The following MYCBP2 variants were observed in gnomAD, a reference collection of about 807,000 sequenced individuals.
The protein encoded by MYCBP2 is E3 ubiquitin-protein ligase MYCBP2.
Under a neutral mutation model 525.3 loss-of-function variants are expected in MYCBP2, and 120 were observed. That is an observed-to-expected ratio of 0.23 (90% CI 0.20 to 0.27). The LOEUF is 0.27. MYCBP2 is among the 10% of genes least tolerant of loss of function. The pLI is 1.00. For missense variants in MYCBP2, 4,149 were observed against 5,657.1 expected, an observed-to-expected ratio of 0.73 and a Z score of 8.55; for synonymous variants, 1,894 against 1,955.8, an observed-to-expected ratio of 0.97 and a Z score of 0.83.
At chr13:77,095,331 T>TA (rs1182844251) in intron 58 of MYCBP2, 27 bp downstream of exon 58, 3 of 1,611,374 alleles carry the variant, frequency 1.9e-6, no homozygotes, top group African/African-American at 2.7e-5. Flanking sequence ...CAAAGGTGAT[T>TA]AAAAAACAAC....
At chr13:77,159,569 C>A (rs969642439) in intron 44 of MYCBP2, among the ~76,000 whole-genome samples, 9 of 152,128 alleles carry the variant, frequency 5.9e-5, no homozygotes, top group African/African-American at 1.9e-4. Context: ...AGTGACCTGG[C>A]GGGAGGTGAC....
intron 68 of MYCBP2, among the ~76,000 whole-genome samples, chr13:77,076,542 A>G (rs1160062934): frequency 6.6e-6 from 1 of 152,204 alleles, no homozygotes; most frequent in South Asian, 2.1e-4. Flanking sequence ...CAAGGTATAG[A>G]GCAAATTTGC....
At chr13:77,253,817 C>T (rs903174847) in intron 14 of MYCBP2, among the ~76,000 whole-genome samples, 5 of 151,898 alleles carry the variant, frequency 3.3e-5, no homozygotes, top group African/African-American at 9.7e-5. Context: ...GTGGAAAATC[C>T]AACTCTACTG....
chr13:77,146,317 G>T, intron 47 of MYCBP2, 100 bp from the exon 48 acceptor site: 1 of 667,864 alleles, frequency 1.5e-6, no homozygotes, highest in South Asian at 3.9e-5. Context: ...TGAGACAACT[G>T]GTTATACATA....
intron 32 of MYCBP2, among the ~76,000 whole-genome samples, chr13:77,183,541 CTTTTTT>C (rs60927409): frequency 0.02 from 1,290 of 65,898 alleles, 7 homozygotes; most frequent in African/African-American, 0.087. Context: ...GTCCCTATTT[CTTTTTT>C]TTTTTTTTTT....
rs1269930824 is a variant in MYCBP2 at position 77,158,052 on chromosome 13, T to C, written c.6655A>G (p.Thr2219Ala). ...GKGLALSHSP[T>A]ILEALEGNLP... ...TTTCCCTCAAGTGCTTCTAATATAG[T>C]TGGTGAATGAGAAAGAGCTAGACCC... The change falls in exon 45 of 83, where the codon ACT becomes GCT. Residue 2219 changes from threonine (T) to alanine (A), a missense_variant. Physicochemically the swap from Thr to Ala is moderately conservative, Grantham distance 58 (BLOSUM62 0). This residue lies in a region of MYCBP2 where 692 missense variants were observed against 852.7 expected (regional missense o/e 0.81). Coordinates refer to ENST00000544440, the MANE Select transcript of MYCBP2 (RefSeq NM_015057.5). 1.2e-6 allele frequency: 2 copies of C among 1,613,410 alleles called. No individual in the cohort carries two copies. The highest frequency in any genetic ancestry group is 8.5e-7 in the Non-Finnish European group (1 of 1,179,574).
intron 14 of MYCBP2, among the ~76,000 whole-genome samples, chr13:77,252,778 A>G (rs993925681): frequency 1.2e-4 from 18 of 152,270 alleles, no homozygotes; most frequent in African/African-American, 4.3e-4. Flanking sequence ...TCAGCTAGCT[A>G]TATCTAGGAT....
intron 15 of MYCBP2, among the ~76,000 whole-genome samples, chr13:77,244,634 G>A (rs1158765808): frequency 3.3e-5 from 5 of 152,110 alleles, no homozygotes; most frequent in Non-Finnish European, 7.4e-5. Context: ...AACACCAAAA[G>A]CAATGGCAAC....
At chr13:77,284,282 G>C (rs1325482488) in intron 3 of MYCBP2, among the ~76,000 whole-genome samples, 1 of 151,938 alleles carries the variant, frequency 6.6e-6, no homozygotes, top group African/African-American at 2.4e-5. Flanking sequence ...AGGCAAGAAG[G>C]AATGGGACAG....
intron 28 of MYCBP2, among the ~76,000 whole-genome samples, chr13:77,190,713 G>A (rs1412148353): frequency 6.6e-6 from 1 of 152,138 alleles, no homozygotes; most frequent in Non-Finnish European, 1.5e-5. Context: ...AACTGTCTAT[G>A]AAAATCATAC....
At position 77,326,318 on chromosome 13, in the gene MYCBP2, A is replaced by G. The variant is rs1359693436; in HGVS notation, c.302+156T>C. ...GCAGCCACCGCACCCTCCTATCTCG[A>G]TAAGTGCTCCTGCCAACAGACATCC... On this transcript the variant is annotated intron_variant, in intron 1 of 82. Coordinates refer to ENST00000544440, the MANE Select transcript of MYCBP2 (RefSeq NM_015057.5). This position sits in a 1 kb window ranked among gnomAD's most constrained non-coding sequence, Gnocchi z 4.2. Among the ~76,000 whole-genome samples the G allele has an allele frequency of 6.6e-6, 1 of 150,850 alleles. No individual in the cohort carries two copies. Among genetic ancestry groups the G allele is most frequent in the Non-Finnish European group, 1.5e-5 (1 of 67,844 alleles).
Position 77,161,936 on chromosome 13 carries a change from G to T in MYCBP2, c.6567C>A (p.Asp2189Glu). ...ATGCAGCCTCCTCAAGAATTTCAAG[G>T]TCTTCTTCTAATTCATTACCTGTTG... ...ALPIGNELEE[D>E]LEILEEAALQ... The change falls in exon 44 of 83, where the codon GAC becomes GAA. Residue 2189 changes from aspartate (D) to glutamate (E), a missense_variant. Physicochemically the swap from Asp to Glu is conservative, Grantham distance 45. Coordinates refer to ENST00000544440, the MANE Select transcript of MYCBP2 (RefSeq NM_015057.5). The T allele has an allele frequency of 3.7e-6, 6 of 1,606,796 alleles. 1 individual carries two copies. The South Asian group carries it at 6.7e-5, about 18-fold the overall frequency.
chr13:77,140,143 C>G lies in MYCBP2; in HGVS notation c.7422G>C (p.Lys2474Asn). 1 of 1,603,864 alleles carries G rather than the reference C, an allele frequency of 6.2e-7. No individual in the cohort carries two copies. Among genetic ancestry groups the G allele is most frequent in the Non-Finnish European group, 8.5e-7 (1 of 1,177,130 alleles). The change falls in exon 51 of 83, where the codon AAG becomes AAC. Residue 2474 changes from lysine (K) to asparagine (N), a missense_variant. Lys to Asn is a moderately conservative substitution (Grantham distance 94). Coordinates refer to ENST00000544440, the MANE Select transcript of MYCBP2 (RefSeq NM_015057.5). ...TACGGATGCGAAGCCCCGCACTGTCCTTGGCCACAAATTTTCGAACCTGAG... is the reference window on the plus strand; with the variant it reads ...TACGGATGCGAAGCCCCGCACTGTCGTTGGCCACAAATTTTCGAACCTGAG... ...QPNKVRKFVA[K>N]DSAGLRIRSH...
intron 11 of MYCBP2, 150 bp from the exon 12 acceptor site, chr13:77,261,525 G>T: frequency 1.6e-6 from 1 of 624,364 alleles, no homozygotes. Flanking sequence ...GCTTCTGGGA[G>T]TTGAGCAAGA....
At chr13:77,065,478 T>A (rs1193425615) in intron 72 of MYCBP2, among the ~76,000 whole-genome samples, 1 of 152,180 alleles carries the variant, frequency 6.6e-6, no homozygotes, top group Admixed American at 6.5e-5. Flanking sequence ...AATAATACAA[T>A]GTGTGGAAAA....
At chr13:77,325,048 C>T (rs1440038599) in intron 1 of MYCBP2, among the ~76,000 whole-genome samples, 1 of 152,206 alleles carries the variant, frequency 6.6e-6, no homozygotes. Context: ...TAGTTACACA[C>T]GTTTACATCC....
intron 8 of MYCBP2, among the ~76,000 whole-genome samples, chr13:77,265,417 G>A (rs1362002014): frequency 6.6e-6 from 1 of 152,046 alleles, no homozygotes; most frequent in Non-Finnish European, 1.5e-5. Flanking sequence ...GAGGCAACCT[G>A]TCACCAGACA....
intron 21 of MYCBP2, among the ~76,000 whole-genome samples, chr13:77,216,107 G>A (rs557807993): frequency 8.5e-5 from 13 of 152,216 alleles, no homozygotes; most frequent in Non-Finnish European, 1.0e-4. Context: ...AAGAAAGGAA[G>A]CACTCCAAAA....
chr13:77,130,402 T>C (rs1348675830), intron 52 of MYCBP2, among the ~76,000 whole-genome samples: 2 of 151,848 alleles, frequency 1.3e-5, no homozygotes, highest in Non-Finnish European at 2.9e-5. Flanking sequence ...ATATTTTCCA[T>C]ATCCATATAT....
Sources: allele counts gnomAD v4.1 joint callset (sites outside exome capture counted in the v4.1 genomes callset), GRCh38; gene constraint gnomAD v4.1.1; regional missense constraint gnomAD v4.1.1; non-coding constraint Gnocchi (gnomAD v3.1); transcripts MANE v1.5; gene names NCBI Gene and HGNC (gene_info 2026-07-23, HGNC 2026-07-21).